Variants in FAM135B observed in about 807,000 individuals in gnomAD.
The protein encoded by FAM135B is protein FAM135B.
FAM135B carries 43 observed loss-of-function variants against 127.7 expected under a neutral mutation model. The observed-to-expected ratio is 0.34, with a 90% CI of 0.26 to 0.43. The LOEUF is 0.43. Among genes scored for constraint, FAM135B ranks in the 20% least tolerant of loss-of-function variants. The pLI is 1.00. For missense variants in FAM135B, 1,558 were observed against 1,725.6 expected, an observed-to-expected ratio of 0.90 and a Z score of 1.72; for synonymous variants, 670 against 665.1, an observed-to-expected ratio of 1.01 and a Z score of -0.11.
intron 1 of FAM135B, chr8:138,440,263 G>A (rs1354984421): frequency 6.6e-6 from 1 of 152,034 alleles, no homozygotes; most frequent in African/African-American, 2.4e-5. Flanking sequence ...AAATGTCTCA[G>A]GAACCCTTAA....
At chr8:138,165,548 C>T (rs1819833991) in intron 12 of FAM135B, among the ~76,000 whole-genome samples, 1 of 152,086 alleles carries the variant, frequency 6.6e-6, no homozygotes, top group Admixed American at 6.5e-5. Context: ...AGACAATCTG[C>T]AACAAAACCT....
chr8:138,301,952 A>G (rs965448034), intron 3 of FAM135B, among the ~76,000 whole-genome samples: 1 of 152,162 alleles, frequency 6.6e-6, no homozygotes, highest in African/African-American at 2.4e-5. Flanking sequence ...TGCCTGGCAC[A>G]CAGGAGGCCC....
rs767206285 is a variant in FAM135B at position 138,197,562 on chromosome 8, G to A, written c.777C>T (p.Phe259=). The change falls in exon 8 of 20, where the codon TTC becomes TTT. Residue 259 remains phenylalanine, a synonymous_variant. Transcript: ENST00000395297. The part of the protein sequence containing the change: ...LHAYRGLRLH[F]LVIMRDIPEL... ...CTGGGATGTCCCGCATGATCACCAG[G>A]AAGTGGAGACGGAGACCCCGGTAAG... The A allele has an allele frequency of 1.2e-6, 2 of 1,614,002 alleles. No homozygotes were observed. Among genetic ancestry groups the A allele is most frequent in the Non-Finnish European group, 8.5e-7 (1 of 1,180,028 alleles).
intron 15 of FAM135B, 74 bp from the exon 16 acceptor site, chr8:138,143,183 T>C (rs1223998301): frequency 3.7e-6 from 3 of 811,082 alleles, no homozygotes; most frequent in South Asian, 1.4e-5. Flanking sequence ...GCCTGTGTTC[T>C]TCCACTAAAC....
intron 1 of FAM135B, chr8:138,450,955 A>C (rs965268019): frequency 6.6e-6 from 1 of 152,248 alleles, no homozygotes; most frequent in Non-Finnish European, 1.5e-5. Context: ...AAATAATAAA[A>C]CTGAGGCCCA....
At chr8:138,416,015 C>T (rs1834125128) in intron 1 of FAM135B, among the ~76,000 whole-genome samples, 1 of 152,160 alleles carries the variant, frequency 6.6e-6, no homozygotes, top group Non-Finnish European at 1.5e-5. Flanking sequence ...CCTCCTCTCC[C>T]TTCCCTTGGA....
At chr8:138,251,152 T>C in intron 5 of FAM135B, 138 bp from the exon 6 acceptor site, 1 of 1,011,954 alleles carries the variant, frequency 9.9e-7, no homozygotes, top group Non-Finnish European at 1.4e-6. Context: ...ATGCTCTGCC[T>C]GGTAGAAATC....
intron 1 of FAM135B, among the ~76,000 whole-genome samples, chr8:138,404,229 G>A (rs973951373): frequency 4.0e-5 from 6 of 151,820 alleles, no homozygotes; most frequent in East Asian, 1.9e-4. Flanking sequence ...AGTTATGTTC[G>A]CACTATAATG....
At chr8:138,396,884 A>G (rs570037797) in intron 1 of FAM135B, among the ~76,000 whole-genome samples, 30 of 152,170 alleles carry the variant, frequency 2.0e-4, no homozygotes, top group Non-Finnish European at 3.7e-4. Context: ...GCTTCAAAGG[A>G]CACACGTGCC....
intron 5 of FAM135B, among the ~76,000 whole-genome samples, chr8:138,252,086 A>G (rs1453903372): frequency 1.3e-5 from 2 of 152,160 alleles, no homozygotes; most frequent in Non-Finnish European, 2.9e-5. Flanking sequence ...AATATGAATA[A>G]TGGTCCCCTG....
At position 138,152,067 on chromosome 8, in the gene FAM135B, C is replaced by T. The variant is rs2130754758; in HGVS notation, c.2408G>A (p.Ser803Asn). ...GGFAEPSDMHSKSQGSPGSCS... is the reference protein window; with the variant it reads ...GGFAEPSDMHNKSQGSPGSCS... ...AGATCCTGGGGAACCTTGGCTCTTG[C>T]TGTGCATATCTGAAGGTTCAGCAAA... The change falls in exon 13 of 20, where the codon AGC becomes AAC. Residue 803 changes from serine to asparagine, a missense_variant. Ser to Asn is a conservative substitution (Grantham distance 46). Transcript: ENST00000395297. The T allele has an allele frequency of 6.2e-7, 1 of 1,613,962 alleles. No individual in the cohort carries two copies. The highest frequency in any genetic ancestry group is 8.5e-7 in the Non-Finnish European group (1 of 1,180,034).
intron 1 of FAM135B, among the ~76,000 whole-genome samples, chr8:138,444,412 C>T (rs1455253144): frequency 3.3e-5 from 5 of 152,174 alleles, no homozygotes; most frequent in Non-Finnish European, 5.9e-5. Context: ...TAAAGCACTC[C>T]TCAGCAAATG....
At chr8:138,491,331 C>T (rs1815191432) in intron 1 of FAM135B, among the ~76,000 whole-genome samples, 2 of 152,124 alleles carry the variant, frequency 1.3e-5, no homozygotes, top group Admixed American at 1.3e-4. Context: ...AGGCCCACAC[C>T]CTCCAGTGTC....
rs80062023 is a variant in FAM135B, at chr8:138,179,202, G to A, written c.874-512C>T. Among the ~76,000 whole-genome samples the A allele has an allele frequency of 4.4e-3, 666 of 152,112 alleles. 5 individuals are homozygous for A. Among genetic ancestry groups the A allele is most frequent in the Non-Finnish European group, 7.8e-3 (529 of 68,008 alleles). Reference sequence around the variant, plus strand: ...GAGCCAACAACACTTGCTTTATGACGTCTTCACAGTTGCCCCAGCTGGAAA... The same window carrying A: ...GAGCCAACAACACTTGCTTTATGACATCTTCACAGTTGCCCCAGCTGGAAA... On this transcript the variant is annotated intron_variant, in intron 9 of 19. Transcript: ENST00000395297.
intron 19 of FAM135B, among the ~76,000 whole-genome samples, chr8:138,133,022 G>A (rs1040219989): frequency 1.1e-4 from 16 of 152,122 alleles, no homozygotes; most frequent in Admixed American, 5.9e-4. Flanking sequence ...TCCTAATAGC[G>A]GCTTTATGAA....
intron 1 of FAM135B, among the ~76,000 whole-genome samples, chr8:138,452,221 C>T (rs1054013960): frequency 4.0e-5 from 6 of 151,048 alleles, no homozygotes; most frequent in Non-Finnish European, 7.4e-5. Context: ...CCTCCACCTC[C>T]CAGACTCAAG....
chr8:138,146,810 A>G (rs964184960), intron 14 of FAM135B, among the ~76,000 whole-genome samples: 44 of 152,260 alleles, frequency 2.9e-4, no homozygotes, highest in African/African-American at 1.1e-3. Context: ...TTTTTGTCCT[A>G]TTTCTTAAAA....
intron 1 of FAM135B, among the ~76,000 whole-genome samples, chr8:138,370,040 A>G (rs898432841): frequency 8.5e-5 from 13 of 152,232 alleles, no homozygotes; most frequent in African/African-American, 3.1e-4. Flanking sequence ...TCCATGCATG[A>G]CTTCACACAA....
At chr8:138,198,574 A>G (rs759849845) in intron 7 of FAM135B, among the ~76,000 whole-genome samples, 2 of 152,214 alleles carry the variant, frequency 1.3e-5, no homozygotes, top group Non-Finnish European at 2.9e-5. Context: ...AGGTTAAGTA[A>G]CCAATGCTGA....
Sources: allele counts gnomAD v4.1 joint callset (sites outside exome capture counted in the v4.1 genomes callset), GRCh38; gene constraint gnomAD v4.1.1; transcripts MANE v1.5; gene names NCBI Gene and HGNC (gene_info 2026-07-23, HGNC 2026-07-21).